Variants in RBFOX1 observed in about 807,000 individuals in gnomAD.
RBFOX1 encodes RNA binding fox-1 homolog 1.
In RBFOX1, 8 loss-of-function variants were observed where a neutral mutation model predicts 57.7. The observed-to-expected ratio is 0.14, with a 90% CI of 0.08 to 0.25. RBFOX1 has a LOEUF of 0.25. RBFOX1 is among the 10% of genes least tolerant of loss of function. The probability of loss-of-function intolerance (pLI) is 1.00; values close to 1 mark genes in which losing one functional copy is unlikely to be tolerated. For missense variants in RBFOX1, 611 were observed against 548.5 expected (o/e 1.11, Z -1.14); for synonymous variants, 326 against 222.4 (o/e 1.47, Z -4.15).
chr16:7,564,890 T>G (rs559170571), intron 5 of RBFOX1, among the ~76,000 whole-genome samples: 1 of 152,332 alleles, frequency 6.6e-6, no homozygotes, highest in African/African-American at 2.4e-5. Flanking sequence ...ATTTCATCAC[T>G]GGAGCAGAGC....
chr16:7,084,260 G>C (rs1376572326), intron 4 of RBFOX1, among the ~76,000 whole-genome samples: 1 of 152,018 alleles, frequency 6.6e-6, no homozygotes, highest in Admixed American at 6.6e-5. Flanking sequence ...GTGTGTGTGT[G>C]TATAGAGGTA....
intron 3 of RBFOX1, among the ~76,000 whole-genome samples, chr16:6,979,208 C>G (rs1026283202): frequency 1.3e-5 from 2 of 152,126 alleles, no homozygotes; most frequent in East Asian, 3.9e-4. Flanking sequence ...ATCCCCAAGT[C>G]TCAGTTTTCC....
At chr16:6,448,749 G>A (rs919061627) in intron 2 of RBFOX1, among the ~76,000 whole-genome samples, 1 of 152,156 alleles carries the variant, frequency 6.6e-6, no homozygotes, top group African/African-American at 2.4e-5. Context: ...ATGTGCTTCA[G>A]TTGTATTCAT....
intron 9 of RBFOX1, among the ~76,000 whole-genome samples, chr16:7,600,641 A>G (rs1025792265): frequency 2.0e-5 from 3 of 152,236 alleles, no homozygotes; most frequent in Non-Finnish European, 4.4e-5. Flanking sequence ...TACTGGAGCT[A>G]TCAAAGTTTC....
intron 1 of RBFOX1, among the ~76,000 whole-genome samples, chr16:5,322,364 C>A (rs572606855): frequency 6.6e-6 from 1 of 152,154 alleles, no homozygotes; most frequent in Non-Finnish European, 1.5e-5. Context: ...GTTCTAGGAA[C>A]TGGCTTGTGT....
intron 3 of RBFOX1, among the ~76,000 whole-genome samples, chr16:6,923,472 G>A (rs944924458): frequency 6.6e-6 from 1 of 152,240 alleles, no homozygotes; most frequent in South Asian, 2.1e-4. Context: ...GGTGGAGGAG[G>A]CAGTGAGCCA....
At chr16:6,659,966 C>G (rs1288063500) in intron 3 of RBFOX1, among the ~76,000 whole-genome samples, 1 of 152,124 alleles carries the variant, frequency 6.6e-6, no homozygotes, top group Admixed American at 6.5e-5. Flanking sequence ...CACTGTGGCT[C>G]ATGCCTGTAA....
In RBFOX1 at chr16:6,654,574, C is replaced by A. The variant is rs769682147; in HGVS notation, c.-63-29C>A. The A allele has an allele frequency of 1.9e-5, 29 of 1,491,008 alleles. No homozygotes were observed. In the Middle Eastern group the frequency reaches 8.4e-4, roughly 43 times the overall value. The allele number at this position is 1,491,008 out of a possible 1,614,324, so 92.4% of individuals were successfully genotyped here. On this transcript the variant is annotated intron_variant, in intron 2 of 15. Transcript: ENST00000550418. ...TAAGTCTGACTCCTGTTCTTTCTCT[C>A]ACTTTCCTTTCTTTTCTTCTCTTCT...
At chr16:5,648,285 G>A (rs1266612354) in intron 3 of RBFOX1, among the ~76,000 whole-genome samples, 1 of 152,200 alleles carries the variant, frequency 6.6e-6, no homozygotes, top group East Asian at 1.9e-4. Context: ...TTCACATCTG[G>A]GCAATGGGTG....
intron 3 of RBFOX1, among the ~76,000 whole-genome samples, chr16:6,734,828 C>G (rs2069678159): frequency 6.6e-6 from 1 of 152,066 alleles, no homozygotes; most frequent in Non-Finnish European, 1.5e-5. Flanking sequence ...ATGCATAAAG[C>G]AAAACAGGTG....
intron 4 of RBFOX1, among the ~76,000 whole-genome samples, chr16:7,302,626 C>T (rs548239760): frequency 6.8e-6 from 1 of 146,504 alleles, no homozygotes; most frequent in South Asian, 2.1e-4. Flanking sequence ...ATCTCTTGGT[C>T]TGAAAACAAA....
intron 1 of RBFOX1, among the ~76,000 whole-genome samples, chr16:5,259,506 G>A (rs1007960338): frequency 3.9e-5 from 6 of 152,120 alleles, no homozygotes; most frequent in Non-Finnish European, 5.9e-5. Flanking sequence ...TTCTTCCCCT[G>A]GATTGTAAAC....
intron 3 of RBFOX1, among the ~76,000 whole-genome samples, chr16:6,759,914 T>G (rs1034431568): frequency 3.9e-5 from 6 of 152,194 alleles, no homozygotes; most frequent in Non-Finnish European, 7.3e-5. Context: ...AGTGGAATTC[T>G]CATTAGTTTA....
intron 2 of RBFOX1, among the ~76,000 whole-genome samples, chr16:5,540,604 C>G (rs1005018119): frequency 6.6e-6 from 1 of 152,144 alleles, no homozygotes; most frequent in African/African-American, 2.4e-5. Context: ...TCATGAACTG[C>G]CTGTGTCAGA....
At chr16:6,801,435 A>G (rs937926251) in intron 3 of RBFOX1, among the ~76,000 whole-genome samples, 1 of 152,174 alleles carries the variant, frequency 6.6e-6, no homozygotes, top group Non-Finnish European at 1.5e-5. Flanking sequence ...TAAATAAGCA[A>G]AACGGGCACA....
intron 3 of RBFOX1, among the ~76,000 whole-genome samples, chr16:5,706,733 C>T (rs191857011): frequency 2.0e-5 from 3 of 151,892 alleles, no homozygotes; most frequent in Non-Finnish European, 4.4e-5. Flanking sequence ...TTTTTTCCTA[C>T]GATGGTTGAT....
intron 14 of RBFOX1, among the ~76,000 whole-genome samples, chr16:7,678,756 A>G (rs763648): frequency 0.48 from 72,870 of 152,066 alleles, 18,027 homozygotes; most frequent in Admixed American, 0.53. Context: ...GCATTCATCT[A>G]AACATTTTTA....
At chr16:6,775,932 A>G (rs1417262202) in intron 3 of RBFOX1, 1 of 152,168 alleles carries the variant, frequency 6.6e-6, no homozygotes, top group Non-Finnish European at 1.5e-5. Context: ...CCTGTGGGTG[A>G]CGGGGAATGG....
chr16:5,323,920 T>G (rs2064485651), intron 1 of RBFOX1, among the ~76,000 whole-genome samples: 1 of 152,224 alleles, frequency 6.6e-6, no homozygotes, highest in African/African-American at 2.4e-5. Context: ...GGAACTGAGT[T>G]TTGTAATTCT....
Sources: allele counts gnomAD v4.1 joint callset (sites outside exome capture counted in the v4.1 genomes callset), GRCh38; gene constraint gnomAD v4.1.1; transcripts MANE v1.5; gene names NCBI Gene and HGNC (gene_info 2026-07-23, HGNC 2026-07-21).